CALN1: variants seen among roughly 807,000 people sequenced by gnomAD.
The protein encoded by CALN1 is calcium-binding protein 8.
In CALN1, 17 loss-of-function variants were observed where a neutral mutation model predicts 30.6. The ratio of observed to expected loss-of-function variants is 0.56; its 90% CI spans 0.38 to 0.83. CALN1 has a LOEUF of 0.83. Among genes scored for constraint, CALN1 ranks in the 40% least tolerant of loss-of-function variants. The pLI, the probability that CALN1 is intolerant of heterozygous loss-of-function variation, is 0.00. For missense variants in CALN1, 291 were observed against 354.9 expected, an observed-to-expected ratio of 0.82 and a Z score of 1.45; for synonymous variants, 156 against 131.4, an observed-to-expected ratio of 1.19 and a Z score of -1.28.
At chr7:72,466,275 G>T in the CALN1 span, among the ~76,000 whole-genome samples, 1 of 152,046 alleles carries the variant, frequency 6.6e-6, no homozygotes, top group African/African-American at 2.4e-5. Flanking sequence ...ACACAGGTGT[G>T]AACAGAAAAT....
intron 5 of CALN1, among the ~76,000 whole-genome samples, chr7:71,934,449 C>G (rs1038690982): frequency 6.6e-6 from 1 of 152,060 alleles, no homozygotes; most frequent in African/African-American, 2.4e-5. Flanking sequence ...AAGCATGGTG[C>G]CTGTATCTAC....
chr7:72,085,416 T>C (rs1805419305), intron 4 of CALN1, among the ~76,000 whole-genome samples: 2 of 152,330 alleles, frequency 1.3e-5, no homozygotes, highest in Non-Finnish European at 2.9e-5. Context: ...ATTGTTAAGA[T>C]TGTTCTATTT....
intron 3 of CALN1, among the ~76,000 whole-genome samples, chr7:72,109,379 CT>C (rs1807400089): frequency 1.3e-5 from 2 of 152,122 alleles, no homozygotes; most frequent in Admixed American, 1.3e-4. Flanking sequence ...TCCTCCAGCC[CT>C]TCTTTCTGTG....
chr7:72,441,592 C>A (rs1010234283), intron 1 of CALN1, among the ~76,000 whole-genome samples: 1 of 106,190 alleles, frequency 9.4e-6, no homozygotes, highest in Non-Finnish European at 1.9e-5. Flanking sequence ...AGCGACACTC[C>A]GTCTCAAAAA....
At chr7:72,284,350 G>A (rs951844871) in intron 2 of CALN1, among the ~76,000 whole-genome samples, 1 of 152,178 alleles carries the variant, frequency 6.6e-6, no homozygotes, top group Non-Finnish European at 1.5e-5. Context: ...AACTTGAAAT[G>A]ATGCCCTTTT....
chr7:71,919,866 T>G (rs888028575), intron 5 of CALN1, among the ~76,000 whole-genome samples: 3 of 152,202 alleles, frequency 2.0e-5, no homozygotes, highest in Admixed American at 2.0e-4. Flanking sequence ...AGGGATTTCT[T>G]GTGTCTGTAA....
At chr7:72,159,351 A>C (rs1787940438) in intron 3 of CALN1, among the ~76,000 whole-genome samples, 1 of 152,166 alleles carries the variant, frequency 6.6e-6, no homozygotes. Context: ...TTTTTTAAAA[A>C]TTAGCCAGGC....
chr7:72,015,434 T>C (rs76431712), intron 5 of CALN1, among the ~76,000 whole-genome samples: 1 of 89,386 alleles, frequency 1.1e-5, no homozygotes, highest in African/African-American at 1.8e-4. Flanking sequence ...TCTTTCTTTC[T>C]TTTTTTTTTT....
chr7:72,493,598 C>CA, the CALN1 span, among the ~76,000 whole-genome samples: 1 of 152,174 alleles, frequency 6.6e-6, no homozygotes, highest in Non-Finnish European at 1.5e-5. Context: ...CTCAGCTTCC[C>CA]AAATTGCTGG....
At chr7:72,207,342 C>T (rs1791965526) in intron 3 of CALN1, among the ~76,000 whole-genome samples, 1 of 152,164 alleles carries the variant, frequency 6.6e-6, no homozygotes, top group African/African-American at 2.4e-5. Flanking sequence ...TTTTTCAAGT[C>T]TCCCTTCAAA....
At chr7:71,790,505 G>C (rs934198538) in intron 6 of CALN1, among the ~76,000 whole-genome samples, 1 of 152,218 alleles carries the variant, frequency 6.6e-6, no homozygotes, top group South Asian at 2.1e-4. Flanking sequence ...CTGAGTGGAT[G>C]TCAGAATGTC....
At chr7:72,134,503 C>A (rs1047053970) in intron 3 of CALN1, among the ~76,000 whole-genome samples, 1 of 152,182 alleles carries the variant, frequency 6.6e-6, no homozygotes, top group Non-Finnish European at 1.5e-5. Flanking sequence ...CTTGGTTTCC[C>A]AGTGCATATA....
At chr7:71,999,799 C>T (rs2129528463) in intron 5 of CALN1, among the ~76,000 whole-genome samples, 1 of 152,250 alleles carries the variant, frequency 6.6e-6, no homozygotes, top group South Asian at 2.1e-4. Context: ...AGGCATGAGA[C>T]ACTGTGCCCA....
chr7:71,944,685 A>G (rs1226910298), intron 5 of CALN1, among the ~76,000 whole-genome samples: 4 of 152,140 alleles, frequency 2.6e-5, no homozygotes, highest in Admixed American at 2.6e-4. Flanking sequence ...TTAAAAAACT[A>G]ATTGCTATCA....
At chr7:72,381,394 T>C (rs997770453) in intron 2 of CALN1, among the ~76,000 whole-genome samples, 9 of 152,174 alleles carry the variant, frequency 5.9e-5, no homozygotes, top group Non-Finnish European at 1.2e-4. Flanking sequence ...CATGTATGTT[T>C]ACTGCAGCAC....
At chr7:72,483,260 T>TTTGG in the CALN1 span, among the ~76,000 whole-genome samples, 17,109 of 147,106 alleles carry the variant, frequency 0.12, 2,182 homozygotes, top group African/African-American at 0.31. Context: ...TTTGGTTTGG[T>TTTGG]TTTTTTCCTT....
intron 5 of CALN1, among the ~76,000 whole-genome samples, chr7:71,983,540 T>C (rs377247870): frequency 6.6e-6 from 1 of 150,908 alleles, no homozygotes; most frequent in East Asian, 2.0e-4. Context: ...GCTTTTTTTT[T>C]CTTTTTTTGA....
At chr7:71,910,665 A>G (rs1794379873) in intron 5 of CALN1, among the ~76,000 whole-genome samples, 1 of 152,086 alleles carries the variant, frequency 6.6e-6, no homozygotes, top group South Asian at 2.1e-4. Flanking sequence ...AAGAACAGAG[A>G]AAAAAAGGGC....
Position 72,185,051 on chromosome 7 carries a change from C to T in CALN1, c.245-78757G>A, listed in dbSNP as rs561525571. Among the ~76,000 whole-genome samples the T allele has an allele frequency of 7.2e-5, 11 of 152,156 alleles. No individual in the cohort carries two copies. In the South Asian group the frequency reaches 1.2e-3, roughly 17 times the overall value. On this transcript the variant is annotated intron_variant, in intron 3 of 6. Coordinates refer to ENST00000395275, the MANE Select transcript of CALN1 (RefSeq NM_031468.4). ...AATTCCTGGGCTCAAGCGATCATCC[C>T]ACCTTGGCCTCCCAAAGTGCTGGGA...
Sources: gnomAD v4.1 joint callset for allele counts (sites outside exome capture counted in the v4.1 genomes callset) on GRCh38, gnomAD v4.1.1 for gene constraint, MANE v1.5 for transcripts, NCBI Gene and HGNC (gene_info 2026-07-23, HGNC 2026-07-21) for gene names.